CNKSR2: variants seen among roughly 807,000 people sequenced by gnomAD.
CNKSR2 encodes the protein connector enhancer of kinase suppressor of Ras 2, also known as CNK homolog protein 2.
Under a neutral mutation model 84.4 loss-of-function variants are expected in CNKSR2, and 14 were observed. That is an observed-to-expected ratio of 0.17 (90% CI 0.11 to 0.26). The LOEUF (loss-of-function observed/expected upper bound fraction) is 0.26, where lower values mean the gene tolerates loss of function less well. Among genes scored for constraint, CNKSR2 ranks in the 10% least tolerant of loss-of-function variants. The pLI, the probability that CNKSR2 is intolerant of heterozygous loss-of-function variation, is 1.00. For synonymous variants in CNKSR2, 275 were observed against 277.9 expected (o/e 0.99, Z 0.10); for missense variants, 485 against 771.2 (o/e 0.63, Z 4.40).
chrX:21,592,827 TTAAA>T (rs2092429181), intron 15 of CNKSR2: 1 of 110,178 alleles, frequency 9.1e-6, no homozygotes, highest in South Asian at 3.9e-4. Context: ...TAGATATATA[TTAAA>T]TACTTTTTAT....
chrX:21,426,578 A>G lies in CNKSR2; in HGVS notation c.146A>G (p.His49Arg). The G allele has an allele frequency of 8.3e-7, 1 of 1,208,369 alleles. No homozygotes were observed. Among genetic ancestry groups the G allele is most frequent in the Non-Finnish European group, 1.1e-6 (1 of 894,179 alleles). ...GGGGACCAGCTGCTGCGCATTACAC[A>G]TCAGGAGCTAGAAGATCTGGGGGTC... ...ISGDQLLRITHQELEDLGVSR... is the reference protein window; with the variant it reads ...ISGDQLLRITRQELEDLGVSR... Residue 49 changes from histidine (H) to arginine (R), a missense_variant, in exon 2 of 22, where the codon CAT (histidine) becomes CGT (arginine). Transcript: ENST00000379510.
At chrX:21,544,092 A>G (rs1436929899) in intron 11 of CNKSR2, among the ~76,000 whole-genome samples, 2 of 112,337 alleles carry the variant, frequency 1.8e-5, no homozygotes, top group Non-Finnish European at 3.8e-5. Context: ...AGATTTTTCA[A>G]GTCTCCTGTG....
chrX:21,398,947 A>AT (rs554149310), intron 1 of CNKSR2, among the ~76,000 whole-genome samples: 92 of 103,950 alleles, frequency 8.9e-4, no homozygotes, highest in African/African-American at 9.7e-4. Context: ...TCGTTACTGT[A>AT]TTTTTTTTTT....
intron 15 of CNKSR2, chrX:21,592,919 A>G (rs2092429619): frequency 9.2e-6 from 1 of 108,546 alleles, no homozygotes. Context: ...TTTGTCTGCC[A>G]CATACTAGAT....
intron 13 of CNKSR2, among the ~76,000 whole-genome samples, chrX:21,564,594 CA>C (rs1041496834): frequency 1.8e-5 from 2 of 111,283 alleles, no homozygotes; most frequent in East Asian, 2.8e-4. Flanking sequence ...CTTAAAATAT[CA>C]AAAAAATTTT....
At chrX:21,547,323 A>G (rs148463591) in intron 11 of CNKSR2, among the ~76,000 whole-genome samples, 4,595 of 111,672 alleles carry the variant, frequency 0.041, 85 homozygotes, top group African/African-American at 0.052. Flanking sequence ...ACAAAGATCA[A>G]AAAAGACAAG....
rs1218312674 is a variant in CNKSR2, at chrX:21,490,284, G to T, written c.562-175G>T. On this transcript the variant is annotated intron_variant, in intron 5 of 21. Transcript: ENST00000379510. ...ATAATTTAGAATATAGGTGTGTTGT[G>T]TGTAAATGTGTTTCCATTTCACCTG... Among the ~76,000 whole-genome samples, 4 of 111,916 alleles carry T rather than the reference G, an allele frequency of 3.6e-5. No homozygotes were observed. In the East Asian group the frequency reaches 1.1e-3, roughly 31 times the overall value.
intron 4 of CNKSR2, chrX:21,441,011 A>C: frequency 8.6e-6 from 2 of 233,696 alleles, no homozygotes; most frequent in Non-Finnish European, 7.6e-6. Flanking sequence ...ACACAAACAA[A>C]TGTGCCTAAT....
At chrX:21,614,443 G>T (rs1410008241) in intron 20 of CNKSR2, among the ~76,000 whole-genome samples, 3 of 111,503 alleles carry the variant, frequency 2.7e-5, no homozygotes, top group Non-Finnish European at 5.6e-5. Context: ...CATGTCTAAA[G>T]GGAGTAGATG....
intron 13 of CNKSR2, among the ~76,000 whole-genome samples, chrX:21,583,934 C>G (rs940154499): frequency 8.9e-6 from 1 of 111,795 alleles, no homozygotes; most frequent in African/African-American, 3.3e-5. Context: ...AAACAGAATA[C>G]TGTTGCATGC....
chrX:21,521,605 GT>G (rs1255015183), intron 9 of CNKSR2, among the ~76,000 whole-genome samples: 2 of 110,666 alleles, frequency 1.8e-5, no homozygotes, highest in Non-Finnish European at 3.8e-5. Context: ...AGACACTAGT[GT>G]TAGCCTCAAT....
At chrX:21,448,980 A>G (rs1465426095) in intron 4 of CNKSR2, among the ~76,000 whole-genome samples, 3 of 111,789 alleles carry the variant, frequency 2.7e-5, no homozygotes, top group African/African-American at 9.8e-5. Context: ...GCACAAATCA[A>G]ACTTATAAAA....
In CNKSR2 at chrX:21,627,215, G is replaced by A. The variant is rs779598335; in HGVS notation, c.2692+17598G>A. Among the ~76,000 whole-genome samples, 8 of 111,047 alleles carry A rather than the reference G, an allele frequency of 7.2e-5. No individual in the cohort carries two copies. The East Asian group carries it at 1.1e-3, about 16-fold the overall frequency. ...TGCTGATAAAGACATACATAAGGCCGGGCGCGGTGGCTCACACCTGTAATC... is the reference window on the plus strand; with the variant it reads ...TGCTGATAAAGACATACATAAGGCCAGGCGCGGTGGCTCACACCTGTAATC... On this transcript the variant is annotated intron_variant, in intron 20 of 21. Transcript: ENST00000379510.
At chrX:21,607,542 G>A (rs1017926836) in intron 19 of CNKSR2, among the ~76,000 whole-genome samples, 1 of 111,500 alleles carries the variant, frequency 9.0e-6, no homozygotes. Flanking sequence ...GGTAGCTCAC[G>A]CGTCTAATCC....
At position 21,374,821 on chromosome X, in the gene CNKSR2, C is replaced by T; in HGVS notation, c.-77C>T. 1 of 923,962 alleles carries T rather than the reference C, an allele frequency of 1.1e-6. No individual in the cohort carries two copies. The highest frequency in any genetic ancestry group is 1.6e-6 in the Non-Finnish European group (1 of 633,405). 76.1% of individuals were successfully genotyped at this position (923,962 alleles called of 1,213,427 possible). ...GGAGGCTGCGGCCAGCAAGGGACCC[C>T]ACCTGAGAGCAGCTCGGGCTGCTGA... On this transcript the variant is annotated 5_prime_UTR_variant, in exon 1 of 22. Coordinates refer to ENST00000379510, the MANE Select transcript of CNKSR2 (RefSeq NM_014927.5).
intron 1 of CNKSR2, among the ~76,000 whole-genome samples, chrX:21,391,287 C>A (rs933392757): frequency 4.4e-5 from 5 of 112,852 alleles, no homozygotes; most frequent in East Asian, 2.8e-4. Flanking sequence ...ATTTCCCCCC[C>A]ACATTGCCCT....
intron 20 of CNKSR2, among the ~76,000 whole-genome samples, chrX:21,623,899 A>G (rs1353732632): frequency 9.0e-6 from 1 of 111,700 alleles, no homozygotes; most frequent in African/African-American, 3.2e-5. Context: ...AAAATTTAGC[A>G]TGTCCTCCAT....
chrX:21,386,204 T>C (rs1163103802), intron 1 of CNKSR2, among the ~76,000 whole-genome samples: 1 of 111,318 alleles, frequency 9.0e-6, no homozygotes, highest in Admixed American at 9.6e-5. Flanking sequence ...TTAGCCTTGC[T>C]ACCTGCATTT....
intron 15 of CNKSR2, chrX:21,592,067 G>C (rs1394142103): frequency 4.5e-5 from 5 of 111,639 alleles, no homozygotes; most frequent in Non-Finnish European, 9.4e-5. Context: ...ACATTATTAT[G>C]CCTACGATTA....
Sources: allele counts gnomAD v4.1 joint callset (sites outside exome capture counted in the v4.1 genomes callset), GRCh38; gene constraint gnomAD v4.1.1; transcripts MANE v1.5; gene names NCBI Gene and HGNC (gene_info 2026-07-23, HGNC 2026-07-21).